Variants in CUX1 observed in about 807,000 individuals in gnomAD.
CUX1 encodes the protein cut like homeobox 1.
A neutral mutation model predicts 158.8 loss-of-function variants in CUX1; 31 were observed. The observed-to-expected ratio is 0.20, with a 90% confidence interval of 0.15 to 0.26. CUX1 has a LOEUF of 0.26. Among genes scored for constraint, CUX1 ranks in the 10% least tolerant of loss-of-function variants. The probability of loss-of-function intolerance (pLI) is 1.00; values close to 1 mark genes in which losing one functional copy is unlikely to be tolerated. For missense variants in CUX1, 1,589 were observed against 2,014.6 expected (o/e 0.79, Z 4.04); for synonymous variants, 879 against 862.1 (o/e 1.02, Z -0.34).
At chr7:101,975,291 G>A (rs1812521105) in intron 2 of CUX1, among the ~76,000 whole-genome samples, 1 of 151,824 alleles carries the variant, frequency 6.6e-6, no homozygotes, top group East Asian at 1.9e-4. Flanking sequence ...AAAAGAAAAG[G>A]CTCACGCCTG....
chr7:101,907,125 C>T (rs1802847821), intron 1 of CUX1, among the ~76,000 whole-genome samples: 1 of 152,168 alleles, frequency 6.6e-6, no homozygotes, highest in Admixed American at 6.5e-5. Context: ...TGAGGTTAGA[C>T]CTGGTTCTCA....
At position 101,895,647 on chromosome 7, in the gene CUX1, G is replaced by A. The variant is rs550790732; in HGVS notation, c.31-20468G>A. Among the ~76,000 whole-genome samples, 3 of 152,262 alleles carry A rather than the reference G, an allele frequency of 2.0e-5. No homozygotes were observed. In the East Asian group the frequency reaches 5.8e-4, roughly 29 times the overall value. On this transcript the variant is annotated intron_variant, in intron 1 of 23. Transcript: ENST00000292535. The stretch of plus-strand genomic sequence containing the variant: ...GCCTGCATTCTTAAAAGAATTTTAG[G>A]GGAAGAAAGATTTAAGAGAGCACCT...
Position 102,196,649 on chromosome 7 carries a change from A to C in CUX1, c.1238A>C (p.Lys413Thr). Reference protein sequence around the residue: ...NSDLSGSARRKGKDQPESRRP... With the variant: ...NSDLSGSARRTGKDQPESRRP... Reference sequence around the variant, plus strand: ...TTCCTTGTAGGGTCAGCCAGGAGGAAAGGGAAAGACCAGCCTGAAAGTCGG... The same window carrying C: ...TTCCTTGTAGGGTCAGCCAGGAGGACAGGGAAAGACCAGCCTGAAAGTCGG... Residue 413 changes from lysine (K) to threonine (T), a missense_variant, in exon 15 of 24, where the codon AAA (lysine) becomes ACA (threonine). This residue lies in a region of CUX1 where 515 missense variants were observed against 574.4 expected (regional missense o/e 0.90). Transcript: ENST00000292535. 1 of 1,563,926 alleles carries C rather than the reference A, an allele frequency of 6.4e-7. No individual in the cohort carries two copies. Among genetic ancestry groups the C allele is most frequent in the South Asian group, 1.2e-5 (1 of 84,118 alleles).
At chr7:102,216,481 C>A (rs1420960252) in intron 20 of CUX1, among the ~76,000 whole-genome samples, 1 of 151,498 alleles carries the variant, frequency 6.6e-6, no homozygotes, top group Non-Finnish European at 1.5e-5. Flanking sequence ...CAGAATTGAA[C>A]CCTTGAGAAA....
intron 2 of CUX1, among the ~76,000 whole-genome samples, chr7:101,988,169 G>A (rs1352319777): frequency 2.6e-5 from 4 of 151,808 alleles, no homozygotes; most frequent in Admixed American, 6.6e-5. Flanking sequence ...CTGAGATCAC[G>A]CACTGCACTC....
At chr7:101,954,421 G>A (rs949939585) in intron 2 of CUX1, among the ~76,000 whole-genome samples, 6 of 152,162 alleles carry the variant, frequency 3.9e-5, no homozygotes, top group South Asian at 4.2e-4. Flanking sequence ...TATTATTCCC[G>A]TCCTCGTTGT....
intron 2 of CUX1, among the ~76,000 whole-genome samples, chr7:101,986,032 G>A (rs1397137977): frequency 6.6e-6 from 1 of 152,222 alleles, no homozygotes. Flanking sequence ...TCTGACTGCG[G>A]GGACCTGGGC....
At chr7:101,956,775 C>G (rs563043082) in intron 2 of CUX1, among the ~76,000 whole-genome samples, 18 of 152,338 alleles carry the variant, frequency 1.2e-4, no homozygotes, top group African/African-American at 3.6e-4. Context: ...TAGCGAGACC[C>G]TGTCTCTACA....
intron 2 of CUX1, among the ~76,000 whole-genome samples, chr7:102,021,547 A>G (rs940909132): frequency 1.4e-4 from 21 of 151,622 alleles, no homozygotes; most frequent in African/African-American, 2.4e-4. Context: ...GGCTCAAGCA[A>G]TCCTCCTGCC....
chr7:102,236,136 G>A (rs1563463680), intron 22 of CUX1, among the ~76,000 whole-genome samples: 3 of 152,198 alleles, frequency 2.0e-5, no homozygotes, highest in Non-Finnish European at 2.9e-5. Context: ...AGTAGGGAAC[G>A]GGAATTCATA....
intron 1 of CUX1, among the ~76,000 whole-genome samples, chr7:101,894,801 C>A (rs1178745104): frequency 6.6e-6 from 1 of 152,058 alleles, no homozygotes; most frequent in Non-Finnish European, 1.5e-5. Context: ...ACTGTTTAAG[C>A]ATTTTGGGGG....
chr7:101,865,401 C>G (rs549879526), intron 1 of CUX1, among the ~76,000 whole-genome samples: 5 of 152,220 alleles, frequency 3.3e-5, no homozygotes, highest in Non-Finnish European at 7.3e-5. Flanking sequence ...CACTGATGTT[C>G]GTGCAGACTA....
chr7:101,908,063 A>G (rs193012848), intron 1 of CUX1, among the ~76,000 whole-genome samples: 135 of 152,320 alleles, frequency 8.9e-4, no homozygotes, highest in African/African-American at 3.2e-3. Context: ...CCCACCCCCA[A>G]GTGAGTGCCC....
At chr7:102,158,674 G>A in intron 9 of CUX1, 66 bp downstream of exon 9, 1 of 1,501,950 alleles carries the variant, frequency 6.7e-7, no homozygotes, top group Non-Finnish European at 9.3e-7. Context: ...CATCTCGGAA[G>A]ATGCGTCACC....
intron 1 of CUX1, among the ~76,000 whole-genome samples, chr7:101,846,273 A>C (rs1795677676): frequency 6.6e-6 from 1 of 152,056 alleles, no homozygotes; most frequent in African/African-American, 2.4e-5. Context: ...GTCTGTGCAT[A>C]AACAGGGGAG....
intron 11 of CUX1, among the ~76,000 whole-genome samples, chr7:102,184,729 C>T (rs903601941): frequency 6.6e-6 from 1 of 152,058 alleles, no homozygotes; most frequent in Non-Finnish European, 1.5e-5. Flanking sequence ...TCACTGCAGC[C>T]TCAACCTCCA....
At chr7:102,001,879 T>A (rs768655152) in intron 2 of CUX1, among the ~76,000 whole-genome samples, 1 of 152,202 alleles carries the variant, frequency 6.6e-6, no homozygotes, top group Non-Finnish European at 1.5e-5. Flanking sequence ...GCTAATTAGA[T>A]GTTTCCGCAA....
intron 21 of CUX1, among the ~76,000 whole-genome samples, chr7:102,229,232 G>T (rs1259806499): frequency 6.6e-6 from 1 of 152,030 alleles, no homozygotes; most frequent in African/African-American, 2.4e-5. Flanking sequence ...GCTCGGCCTG[G>T]GTTGGTTGTC....
At chr7:101,945,183 C>T (rs966137700) in intron 2 of CUX1, among the ~76,000 whole-genome samples, 4 of 152,146 alleles carry the variant, frequency 2.6e-5, no homozygotes, top group East Asian at 1.9e-4. Flanking sequence ...CAGGGCAGAG[C>T]GACCTCAGGG....
Sources: gnomAD v4.1 joint callset for allele counts (sites outside exome capture counted in the v4.1 genomes callset) on GRCh38, gnomAD v4.1.1 for gene constraint, gnomAD v4.1.1 regional missense constraint, MANE v1.5 for transcripts, NCBI Gene and HGNC (gene_info 2026-07-23, HGNC 2026-07-21) for gene names.